FAM13A: variants seen among roughly 807,000 people sequenced by gnomAD.
FAM13A encodes the protein family with sequence similarity 13 member A, also known as protein FAM13A.
A neutral mutation model predicts 129.6 loss-of-function variants in FAM13A; 76 were observed. The ratio of observed to expected loss-of-function variants is 0.59; its 90% CI spans 0.49 to 0.71. The LOEUF (loss-of-function observed/expected upper bound fraction) is 0.71, where lower values mean the gene tolerates loss of function less well. Ranked by LOEUF, FAM13A falls within the 30% of genes least tolerant of loss-of-function variation. FAM13A has a pLI of 0.00. For missense variants in FAM13A, 1,108 were observed against 1,249.3 expected (o/e 0.89, Z 1.70); for synonymous variants, 443 against 449.9 (o/e 0.98, Z 0.20).
chr4:89,018,149 C>G (rs4352442), intron 3 of FAM13A, among the ~76,000 whole-genome samples: 1 of 152,130 alleles, frequency 6.6e-6, no homozygotes, highest in Non-Finnish European at 1.5e-5. Context: ...TGTTGAAGCT[C>G]TAACCTCCAT....
At position 88,955,945 on chromosome 4, in the gene FAM13A, G is replaced by A. The variant is rs201492141; in HGVS notation, c.606-17704C>T. ...AAATTCAAGCAGGCTGCACAACTTT[G>A]CATAAGTAGCAAGGAGCCTAATGTT... On this transcript the variant is annotated intron_variant, in intron 4 of 23. Coordinates refer to ENST00000264344, the MANE Select transcript of FAM13A (RefSeq NM_014883.4). Among the ~76,000 whole-genome samples the A allele has an allele frequency of 7.9e-5, 12 of 152,230 alleles. 1 individual carries two copies. In the East Asian group the frequency reaches 2.3e-3, roughly 29 times the overall value.
intron 14 of FAM13A, among the ~76,000 whole-genome samples, 176 bp downstream of exon 14, chr4:88,758,578 A>G (rs1035801687): frequency 6.6e-6 from 1 of 152,110 alleles, no homozygotes; most frequent in Non-Finnish European, 1.5e-5. Flanking sequence ...CCTCAGCAAC[A>G]TTTACCCTGA....
intron 3 of FAM13A, among the ~76,000 whole-genome samples, chr4:89,008,427 A>C (rs1579746408): frequency 6.6e-6 from 1 of 152,322 alleles, no homozygotes; most frequent in East Asian, 1.9e-4. Context: ...GACATCTGCA[A>C]GGAAAGAAAA....
chr4:88,774,887 G>C (rs993120959), intron 11 of FAM13A, among the ~76,000 whole-genome samples: 4 of 152,166 alleles, frequency 2.6e-5, no homozygotes, highest in African/African-American at 9.7e-5. Context: ...TGGGACTCTT[G>C]AATGAAAAAG....
chr4:88,909,346 G>T (rs544090185), intron 5 of FAM13A, among the ~76,000 whole-genome samples: 1 of 152,254 alleles, frequency 6.6e-6, no homozygotes, highest in South Asian at 2.1e-4. Context: ...GACACAAAAG[G>T]ATATATATTG....
At chr4:88,869,138 C>T (rs1740936239) in intron 6 of FAM13A, among the ~76,000 whole-genome samples, 1 of 152,180 alleles carries the variant, frequency 6.6e-6, no homozygotes, top group Admixed American at 6.5e-5. Context: ...TCTACTTTGT[C>T]TTCATCCATT....
intron 4 of FAM13A, among the ~76,000 whole-genome samples, chr4:88,972,871 G>A (rs186063548): frequency 6.6e-6 from 1 of 152,272 alleles, no homozygotes; most frequent in Non-Finnish European, 1.5e-5. Context: ...ACCTCCCAAA[G>A]TACTGGGATT....
At chr4:88,837,718 C>CAAAAAAAAAAAAAAAAAAAAAACAAA (rs34184242) in intron 7 of FAM13A, among the ~76,000 whole-genome samples, 1 of 71,588 alleles carries the variant, frequency 1.4e-5, no homozygotes, top group Non-Finnish European at 2.8e-5. Context: ...AACTCCGTCT[C>CAAAAAAAAAAAAAAAAAAAAAACAAA]AAAAAAAAAA....
intron 4 of FAM13A, among the ~76,000 whole-genome samples, chr4:88,972,867 C>G (rs1004430841): frequency 1.3e-5 from 2 of 152,170 alleles, no homozygotes; most frequent in African/African-American, 4.8e-5. Flanking sequence ...CTTGACCTCC[C>G]AAAGTACTGG....
chr4:88,928,261 T>C (rs1752512595), intron 5 of FAM13A, among the ~76,000 whole-genome samples: 1 of 152,168 alleles, frequency 6.6e-6, no homozygotes. Flanking sequence ...AACCATGTGG[T>C]CTATCTCAGA....
At chr4:88,850,994 T>C in intron 7 of FAM13A, 26 bp downstream of exon 7, 3 of 1,610,568 alleles carry the variant, frequency 1.9e-6, no homozygotes, top group South Asian at 1.1e-5. Flanking sequence ...CAATATGGAT[T>C]GTGTAGATAA....
chr4:88,751,535 T>C (rs1345858954), intron 14 of FAM13A, among the ~76,000 whole-genome samples: 1 of 151,806 alleles, frequency 6.6e-6, no homozygotes, highest in East Asian at 1.9e-4. Flanking sequence ...GTGAGATGCA[T>C]ACATAAATTA....
At chr4:88,748,915 T>G in intron 17 of FAM13A, 37 bp downstream of exon 17, 1 of 1,446,358 alleles carries the variant, frequency 6.9e-7, no homozygotes, top group Non-Finnish European at 9.7e-7. Flanking sequence ...GCACCTGGCT[T>G]GTTGTACAGA....
intron 7 of FAM13A, among the ~76,000 whole-genome samples, chr4:88,849,893 T>G (rs1737260797): frequency 1.3e-5 from 2 of 152,186 alleles, no homozygotes; most frequent in African/African-American, 4.8e-5. Context: ...TAATTCCAGT[T>G]TACAATTTCC....
chr4:88,856,889 C>T (rs1340019628), intron 6 of FAM13A, among the ~76,000 whole-genome samples: 2 of 151,326 alleles, frequency 1.3e-5, no homozygotes, highest in Non-Finnish European at 2.9e-5. Flanking sequence ...TCTGAATTTA[C>T]AAAAAAAAGA....
At chr4:89,042,662 A>G (rs1223799196) in intron 1 of FAM13A, among the ~76,000 whole-genome samples, 1 of 152,206 alleles carries the variant, frequency 6.6e-6, no homozygotes, top group Non-Finnish European at 1.5e-5. Flanking sequence ...CTATGATCTG[A>G]AAAATAAAGA....
chr4:88,977,270 T>C (rs1278741790), intron 4 of FAM13A, among the ~76,000 whole-genome samples: 1 of 152,132 alleles, frequency 6.6e-6, no homozygotes, highest in Non-Finnish European at 1.5e-5. Context: ...GTCCATCTAA[T>C]AACCAAGATG....
At chr4:88,764,858 T>C (rs1036141204) in intron 13 of FAM13A, among the ~76,000 whole-genome samples, 1 of 152,196 alleles carries the variant, frequency 6.6e-6, no homozygotes, top group Non-Finnish European at 1.5e-5. Flanking sequence ...CAAATTTTAA[T>C]CCAAACCACA....
intron 6 of FAM13A, among the ~76,000 whole-genome samples, chr4:88,893,673 C>G (rs974930795): frequency 2.3e-5 from 3 of 128,098 alleles, no homozygotes; most frequent in African/African-American, 5.5e-5. Flanking sequence ...AATAAATAAG[C>G]CGGGCGTGGT....
Sources: gnomAD v4.1 joint callset for allele counts (sites outside exome capture counted in the v4.1 genomes callset) on GRCh38, gnomAD v4.1.1 for gene constraint, MANE v1.5 for transcripts, NCBI Gene and HGNC (gene_info 2026-07-23, HGNC 2026-07-21) for gene names.